CCNB2: variants seen among roughly 807,000 people sequenced by gnomAD.
CCNB2 encodes the protein cyclin B2, also known as G2/mitotic-specific cyclin-B2.
In CCNB2, 39 loss-of-function variants were observed where a neutral mutation model predicts 51.1. The observed-to-expected ratio is 0.76, with a 90% CI of 0.59 to 1.00. CCNB2 has a LOEUF of 1.00. Ranked by LOEUF, CCNB2 falls within the 50% of genes least tolerant of loss-of-function variation. The pLI, the probability that CCNB2 is intolerant of heterozygous loss-of-function variation, is 0.00. For synonymous variants in CCNB2, 174 were observed against 165.5 expected, an observed-to-expected ratio of 1.05 and a Z score of -0.40; for missense variants, 472 against 470.3, an observed-to-expected ratio of 1.00 and a Z score of -0.03.
chr15:59,105,593 G>C (rs2079232542), intron 1 of CCNB2, among the ~76,000 whole-genome samples: 1 of 152,198 alleles, frequency 6.6e-6, no homozygotes, highest in Non-Finnish European at 1.5e-5. Flanking sequence ...AGTACTCAGC[G>C]AGCGATCCCC....
intron 1 of CCNB2, 73 bp downstream of exon 1, chr15:59,105,365 T>G: frequency 6.8e-7 from 1 of 1,477,316 alleles, no homozygotes; most frequent in Non-Finnish European, 9.1e-7. Flanking sequence ...TTCTCTCATC[T>G]GCTCCGAGCT....
chr15:59,111,859 T>C (rs955894060), intron 3 of CCNB2, among the ~76,000 whole-genome samples: 41 of 146,954 alleles, frequency 2.8e-4, no homozygotes, highest in Non-Finnish European at 5.1e-4. Context: ...TTTCTTTCTT[T>C]TTTTTTTTTT....
At position 59,107,554 on chromosome 15, in the gene CCNB2, T is replaced by C. The variant is rs189971570; in HGVS notation, c.154-3T>C. ...CGCTATTCATGTTTCTTTTTCCTTA[T>C]AGAAAGCTCAGAACACCAAAGTTCC... On this transcript the variant is annotated splice_polypyrimidine_tract_variant and splice_region_variant and intron_variant, in intron 2 of 8. Coordinates refer to ENST00000288207, the MANE Select transcript of CCNB2 (RefSeq NM_004701.4). The C allele has an allele frequency of 2.2e-4, 352 of 1,614,152 alleles. 1 individual carries two copies. The East Asian group carries it at 5.4e-3, about 25-fold the overall frequency.
Position 59,114,835 on chromosome 15 carries a change from ACT to A in CCNB2, c.559_560del (p.Leu187ValfsTer36). Reference protein sequence around the residue: ...VHSKFRLLQETLYMCVGIMDR... With the variant: ...VHSKFRLLQEXLYMCVGIMDR... Reference sequence around the variant, plus strand: ...CTCCAAGTTTAGGCTTCTGCAGGAGACTCTGTACATGTGCGTTGGCATTATGG... The same window carrying A: ...CTCCAAGTTTAGGCTTCTGCAGGAGACTGTACATGTGCGTTGGCATTATGG... On this transcript the variant is annotated frameshift_variant, in exon 5 of 9. Coordinates refer to ENST00000288207, the MANE Select transcript of CCNB2 (RefSeq NM_004701.4). LOFTEE classifies it high-confidence loss of function. 6.2e-7 allele frequency: 1 copy of A among 1,613,824 alleles called. No homozygotes were observed. Among genetic ancestry groups the A allele is most frequent in the Non-Finnish European group, 8.5e-7 (1 of 1,179,936 alleles).
chr15:59,121,931 CAAAAAAAAAAAAAAAAAAA>C (rs3052992), intron 7 of CCNB2, among the ~76,000 whole-genome samples: 2 of 14,094 alleles, frequency 1.4e-4, no homozygotes, highest in Admixed American at 2.0e-3. Flanking sequence ...GACTCTGTCT[CAAAAAAAAAAAAAAAAAAA>C]AAAAAAAAAA....
chr15:59,118,765 G>A (rs532768276), intron 7 of CCNB2, among the ~76,000 whole-genome samples: 13 of 152,330 alleles, frequency 8.5e-5, no homozygotes, highest in South Asian at 2.1e-4. Flanking sequence ...ATGGCTGGGC[G>A]GCAGCTCTGC....
At chr15:59,124,337 C>A in intron 8 of CCNB2, 1 of 205,252 alleles carries the variant, frequency 4.9e-6, no homozygotes, top group Admixed American at 5.4e-5. Flanking sequence ...GTGTTCAGTC[C>A]TGAGAGGACT....
intron 8 of CCNB2, 87 bp downstream of exon 8, chr15:59,123,714 G>A (rs1350269813): frequency 4.5e-5 from 31 of 695,276 alleles, no homozygotes; most frequent in Admixed American, 7.1e-5. Flanking sequence ...GGTGTGTGCC[G>A]TCATGTAAAT....
At chr15:59,120,631 A>G (rs1024989187) in intron 7 of CCNB2, among the ~76,000 whole-genome samples, 1 of 152,230 alleles carries the variant, frequency 6.6e-6, no homozygotes, top group Admixed American at 6.5e-5. Context: ...AAAAATCAGA[A>G]TACCAGCTAA....
Position 59,105,178 on chromosome 15 carries a change from G to A in CCNB2, c.-91G>A. ...CCCAGCGCTGCGGGCTCGGAGAGCA[G>A]TCCTAACGGCGCCTCGTACGCTAGT... On this transcript the variant is annotated 5_prime_UTR_variant, in exon 1 of 9. Coordinates refer to ENST00000288207, the MANE Select transcript of CCNB2 (RefSeq NM_004701.4). 1 of 1,279,940 alleles carries A rather than the reference G, an allele frequency of 7.8e-7. No individual in the cohort carries two copies. The highest frequency in any genetic ancestry group is 1.1e-6 in the Non-Finnish European group (1 of 911,500). 79.3% of individuals were successfully genotyped at this position (1,279,940 alleles called of 1,614,324 possible). A position where few individuals can be genotyped will look rare whatever the true frequency, so the allele number is the denominator to read the frequency against.
At chr15:59,122,875 T>C (rs1371601093) in intron 7 of CCNB2, among the ~76,000 whole-genome samples, 1 of 152,244 alleles carries the variant, frequency 6.6e-6, no homozygotes, top group East Asian at 1.9e-4. Flanking sequence ...TTATTATCAA[T>C]TGACAGCTGT....
chr15:59,123,726 T>C (rs1857579261), intron 8 of CCNB2, 99 bp downstream of exon 8: 1 of 660,714 alleles, frequency 1.5e-6, no homozygotes, highest in Admixed American at 2.5e-5. Context: ...CATGTAAATA[T>C]ATTAATAACA....
chr15:59,117,093 C>A, intron 6 of CCNB2, 135 bp from the exon 7 acceptor site: 2 of 1,030,794 alleles, frequency 1.9e-6, no homozygotes, highest in Non-Finnish European at 2.9e-6. Flanking sequence ...ATGTTTACAA[C>A]ATAGTGTGGA....
intron 7 of CCNB2, among the ~76,000 whole-genome samples, chr15:59,119,509 T>A (rs1487670405): frequency 6.6e-6 from 1 of 151,326 alleles, no homozygotes; most frequent in Non-Finnish European, 1.5e-5. Context: ...GCATTCTGAC[T>A]GTGCATCCTT....
At chr15:59,111,946 G>A (rs1252679326) in intron 3 of CCNB2, among the ~76,000 whole-genome samples, 2 of 149,002 alleles carry the variant, frequency 1.3e-5, no homozygotes, top group Non-Finnish European at 3.0e-5. Flanking sequence ...TTGATCTCCT[G>A]GGCTCAGGTG....
At chr15:59,124,723 T>C (rs371827239) in intron 8 of CCNB2, 44 bp from the exon 9 acceptor site, 150 of 1,299,652 alleles carry the variant, frequency 1.2e-4, no homozygotes, top group Middle Eastern at 7.3e-4. Flanking sequence ...TAAGGTATCA[T>C]TGGGGGTTCC....
chr15:59,105,190 C>A lies in CCNB2; in HGVS notation c.-79C>A. The A allele has an allele frequency of 7.2e-7, 1 of 1,385,496 alleles. No individual in the cohort carries two copies. The highest frequency in any genetic ancestry group is 1.0e-6 in the Non-Finnish European group (1 of 1,004,630). The allele number at this position is 1,385,496 out of a possible 1,614,324, so 85.8% of individuals were successfully genotyped here. On this transcript the variant is annotated 5_prime_UTR_variant, in exon 1 of 9. Transcript: ENST00000288207. ...GGCTCGGAGAGCAGTCCTAACGGCG[C>A]CTCGTACGCTAGTGTCCTCCCTTTT...
Position 59,105,417 on chromosome 15 carries a change from C to T in CCNB2, c.24+125C>T, listed in dbSNP as rs769869306. The stretch of plus-strand genomic sequence containing the variant: ...GGCTGCTTTTCTCTTCTCCGGAGCT[C>T]ACTGCTTCGCCCGCGTCCCTGGCCC... On this transcript the variant is annotated intron_variant, in intron 1 of 8. Transcript: ENST00000288207. The T allele has an allele frequency of 4.6e-6, 5 of 1,087,088 alleles. No homozygotes were observed. In the African/African-American group the frequency reaches 7.8e-5, roughly 17 times the overall value. The allele number at this position is 1,087,088 out of a possible 1,614,324, so 67.3% of individuals were successfully genotyped here. A position where few individuals can be genotyped will look rare whatever the true frequency, so the allele number is the denominator to read the frequency against.
chr15:59,124,676 G>A (rs1160986281), intron 8 of CCNB2, 91 bp from the exon 9 acceptor site: 1 of 870,188 alleles, frequency 1.1e-6, no homozygotes, highest in African/African-American at 1.7e-5. Context: ...CATGATTGTA[G>A]CCGTGGACCT....
Sources: allele counts gnomAD v4.1 joint callset (sites outside exome capture counted in the v4.1 genomes callset), GRCh38; gene constraint gnomAD v4.1.1; transcripts MANE v1.5; gene names NCBI Gene and HGNC (gene_info 2026-07-23, HGNC 2026-07-21).